Variants in HTR4 observed in about 807,000 individuals in gnomAD.
The protein encoded by HTR4 is 5-hydroxytryptamine (serotonin) receptor 4, G protein-coupled.
In HTR4, 16 loss-of-function variants were observed where a neutral mutation model predicts 36.8. The ratio of observed to expected loss-of-function variants is 0.43; its 90% CI spans 0.29 to 0.66. HTR4 has a LOEUF of 0.66. Ranked by LOEUF, HTR4 falls within the 30% of genes least tolerant of loss-of-function variation. The probability of loss-of-function intolerance (pLI) is 0.13; values close to 1 mark genes in which losing one functional copy is unlikely to be tolerated. For synonymous variants in HTR4, 189 were observed against 185.1 expected (o/e 1.02, Z -0.17); for missense variants, 438 against 490.9 (o/e 0.89, Z 1.02).
intron 1 of HTR4, among the ~76,000 whole-genome samples, chr5:148,641,322 G>A (rs1753722623): frequency 1.3e-5 from 2 of 152,114 alleles, no homozygotes; most frequent in Admixed American, 1.3e-4. Context: ...ATGTGTTTGG[G>A]GGTGTGAGTG....
intron 2 of HTR4, among the ~76,000 whole-genome samples, chr5:148,555,375 G>A (rs1309885083): frequency 6.6e-6 from 1 of 152,186 alleles, no homozygotes; most frequent in Non-Finnish European, 1.5e-5. Context: ...AGAGCACCAA[G>A]TTCAATGTAA....
chr5:148,478,035 G>A (rs1306101528), downstream of HTR4, among the ~76,000 whole-genome samples: 1 of 152,094 alleles, frequency 6.6e-6, no homozygotes, highest in Non-Finnish European at 1.5e-5. Context: ...TCATGTACAT[G>A]TGTCTCCTTG....
chr5:148,542,942 T>A (rs1047120630), intron 4 of HTR4, among the ~76,000 whole-genome samples: 2 of 152,164 alleles, frequency 1.3e-5, no homozygotes, highest in Non-Finnish European at 2.9e-5. Flanking sequence ...ACACCATATG[T>A]TTTTGGTAAA....
At chr5:148,474,372 T>C (rs1158406034), downstream of HTR4, among the ~76,000 whole-genome samples, 1 of 152,076 alleles carries the variant, frequency 6.6e-6, no homozygotes, top group African/African-American at 2.4e-5. Context: ...AAGAATTTCA[T>C]CATTAAGCAG....
intron 2 of HTR4, among the ~76,000 whole-genome samples, chr5:148,602,061 A>G (rs1381184433): frequency 2.6e-5 from 4 of 152,196 alleles, no homozygotes; most frequent in Non-Finnish European, 5.9e-5. Context: ...TACACACAGC[A>G]TAGTGCCTAC....
At chr5:148,644,578 G>A (rs2127315247) in intron 1 of HTR4, 1 of 151,980 alleles carries the variant, frequency 6.6e-6, no homozygotes, top group East Asian at 1.9e-4. Flanking sequence ...ATAAAAAATG[G>A]AATAAGACAC....
chr5:148,654,303 C>G lies in HTR4; in HGVS notation c.-289G>C. 1 of 984,694 alleles carries G rather than the reference C, an allele frequency of 1.0e-6. No homozygotes were observed. The highest frequency in any genetic ancestry group is 1.2e-6 in the Non-Finnish European group (1 of 829,326). 61.0% of individuals were successfully genotyped at this position (984,694 alleles called of 1,614,324 possible). On this transcript the variant is annotated 5_prime_UTR_variant, in exon 1 of 7. Transcript: ENST00000377888. ...CGGATCACCTGGGCTCGCCGCGCAT[C>G]GTCCTTCTCCCCAACCGAGCCGGAC... is the stretch of plus-strand genomic sequence containing the variant.
At chr5:148,646,918 A>C (rs1753889967) in intron 1 of HTR4, among the ~76,000 whole-genome samples, 1 of 152,158 alleles carries the variant, frequency 6.6e-6, no homozygotes, top group Non-Finnish European at 1.5e-5. Flanking sequence ...ACAACAACAA[A>C]AAACCCAGAT....
intron 4 of HTR4, among the ~76,000 whole-genome samples, chr5:148,544,028 T>C (rs1006131389): frequency 6.6e-6 from 1 of 152,148 alleles, no homozygotes; most frequent in East Asian, 1.9e-4. Context: ...AAAAGGCTAT[T>C]GTGGATGGAC....
chr5:148,548,468 C>A (rs1759495053), intron 4 of HTR4, among the ~76,000 whole-genome samples, 200 bp downstream of exon 4: 1 of 152,300 alleles, frequency 6.6e-6, no homozygotes, highest in South Asian at 2.1e-4. Context: ...CTAATCTGTG[C>A]ATCTACAGTG....
At chr5:148,610,871 G>A (rs754602195) in intron 2 of HTR4, among the ~76,000 whole-genome samples, 4,412 of 145,430 alleles carry the variant, frequency 0.03, 109 homozygotes, top group Non-Finnish European at 0.047. Flanking sequence ...CCAGAACTAT[G>A]TGAAGAATGC....
At chr5:148,547,054 T>G (rs979158676) in intron 4 of HTR4, among the ~76,000 whole-genome samples, 2 of 152,182 alleles carry the variant, frequency 1.3e-5, no homozygotes, top group Admixed American at 6.5e-5. Flanking sequence ...CTTAAGCATA[T>G]TCAACTATAT....
At chr5:148,622,942 G>A (rs374516769) in intron 2 of HTR4, among the ~76,000 whole-genome samples, 1 of 152,150 alleles carries the variant, frequency 6.6e-6, no homozygotes, top group South Asian at 2.1e-4. Flanking sequence ...TATTTGTAAA[G>A]CAAAATGGAA....
intron 5 of HTR4, among the ~76,000 whole-genome samples, chr5:148,462,151 G>A (rs948440076): frequency 6.6e-6 from 1 of 151,846 alleles, no homozygotes; most frequent in African/African-American, 2.4e-5. Context: ...TAAGTAGAAT[G>A]AAATAATAAA....
intron 2 of HTR4, among the ~76,000 whole-genome samples, chr5:148,632,129 A>T (rs1286857094): frequency 6.6e-6 from 1 of 152,104 alleles, no homozygotes; most frequent in Non-Finnish European, 1.5e-5. Flanking sequence ...GCTTACAAAA[A>T]TGATCAATAC....
At chr5:148,573,645 C>G (rs1032735224) in intron 2 of HTR4, among the ~76,000 whole-genome samples, 1 of 151,962 alleles carries the variant, frequency 6.6e-6, no homozygotes, top group African/African-American at 2.4e-5. Flanking sequence ...CTACAATGAA[C>G]AACATAATGA....
At chr5:148,500,597 AT>A (rs1194015524) in intron 6 of HTR4, among the ~76,000 whole-genome samples, 2 of 151,880 alleles carry the variant, frequency 1.3e-5, no homozygotes, top group African/African-American at 2.4e-5. Context: ...GGGGAGGTGT[AT>A]TTGCCAATTC....
intron 2 of HTR4, among the ~76,000 whole-genome samples, chr5:148,601,795 T>C (rs1442794390): frequency 6.6e-6 from 1 of 152,124 alleles, no homozygotes; most frequent in Non-Finnish European, 1.5e-5. Flanking sequence ...AGCAAGACCC[T>C]ATCTCAATAA....
At chr5:148,525,241 T>G (rs1034075605) in intron 4 of HTR4, among the ~76,000 whole-genome samples, 3 of 152,204 alleles carry the variant, frequency 2.0e-5, no homozygotes, top group Non-Finnish European at 4.4e-5. Flanking sequence ...GAGTAGCAAA[T>G]TTTTCTGAAT....
Sources: allele counts gnomAD v4.1 joint callset (sites outside exome capture counted in the v4.1 genomes callset), GRCh38; gene constraint gnomAD v4.1.1; transcripts MANE v1.5; gene names NCBI Gene and HGNC (gene_info 2026-07-23, HGNC 2026-07-21).